GRID2: variants seen among roughly 807,000 people sequenced by gnomAD.
GRID2 encodes glutamate ionotropic receptor delta type subunit 2.
Under a neutral mutation model 114.8 loss-of-function variants are expected in GRID2, and 33 were observed. That is an observed-to-expected ratio of 0.29 (90% CI 0.22 to 0.38). The LOEUF (loss-of-function observed/expected upper bound fraction) is 0.38. GRID2 is among the 10% of genes least tolerant of loss of function. The pLI is 1.00. For synonymous variants in GRID2, 505 were observed against 449.9 expected (o/e 1.12, Z -1.55); for missense variants, 1,184 against 1,257.7 (o/e 0.94, Z 0.89).
At chr4:93,337,336 C>T (rs1346541144) in intron 8 of GRID2, among the ~76,000 whole-genome samples, 2 of 152,140 alleles carry the variant, frequency 1.3e-5, no homozygotes, top group East Asian at 3.8e-4. Context: ...AAGGAAGTGG[C>T]ACAAGTTTCA....
intron 13 of GRID2, among the ~76,000 whole-genome samples, chr4:93,592,037 A>G (rs374523904): frequency 1.3e-5 from 2 of 151,770 alleles, no homozygotes; most frequent in South Asian, 4.1e-4. Context: ...TTTGAAGGGT[A>G]TTTTGTGTCT....
At chr4:93,009,521 A>G (rs1721900554) in intron 2 of GRID2, among the ~76,000 whole-genome samples, 1 of 152,124 alleles carries the variant, frequency 6.6e-6, no homozygotes, top group Admixed American at 6.6e-5. Context: ...TTAATGTATG[A>G]CATTTTCATA....
intron 2 of GRID2, among the ~76,000 whole-genome samples, chr4:92,708,456 T>C (rs887961080): frequency 6.6e-6 from 1 of 152,132 alleles, no homozygotes; most frequent in Non-Finnish European, 1.5e-5. Flanking sequence ...AAGGTTTTGG[T>C]AGCACCGCTC....
chr4:93,128,336 G>T lies in GRID2; in HGVS notation c.735+17383G>T, dbSNP rs560169877. ...ATTAAATGGATTAATTTTAGTGTAT[G>T]TGCTTATACTAGAGAGAGAAAAAGA... On this transcript the variant is annotated intron_variant, in intron 4 of 15. Coordinates refer to ENST00000282020, the MANE Select transcript of GRID2 (RefSeq NM_001510.4). 1.2e-4 allele frequency among the ~76,000 whole-genome samples: 19 copies of T among 152,214 alleles called. No homozygotes were observed. In the South Asian group the frequency reaches 3.5e-3, roughly 28 times the overall value.
At chr4:93,023,109 G>A (rs1723542869) in intron 2 of GRID2, among the ~76,000 whole-genome samples, 1 of 150,866 alleles carries the variant, frequency 6.6e-6, no homozygotes, top group Non-Finnish European at 1.5e-5. Context: ...GTGTGTGTGT[G>A]TGTGTGTGTG....
chr4:93,398,427 C>T (rs1378148941), intron 9 of GRID2, among the ~76,000 whole-genome samples: 2 of 151,422 alleles, frequency 1.3e-5, no homozygotes, highest in East Asian at 2.0e-4. Flanking sequence ...ATACATTATA[C>T]TGTCTCCAGT....
Position 93,170,968 on chromosome 4 carries a change from C to G in GRID2, c.736-36436C>G, listed in dbSNP as rs576739845. On this transcript the variant is annotated intron_variant, in intron 4 of 15. Transcript: ENST00000282020. ...CTTCAGCACTACTGTCTAGGCCAAA[C>G]CATCATGTACTCCTGCCTGGATTAT... 5.3e-5 allele frequency among the ~76,000 whole-genome samples: 8 copies of G among 152,160 alleles called. No homozygotes were observed. The South Asian group carries it at 1.5e-3, about 28-fold the overall frequency.
chr4:93,362,457 A>C (rs2149276881), intron 8 of GRID2, among the ~76,000 whole-genome samples: 1 of 151,830 alleles, frequency 6.6e-6, no homozygotes, highest in African/African-American at 2.4e-5. Flanking sequence ...GGCAGGTCTC[A>C]TGCTTGGGGG....
chr4:93,293,984 T>C (rs1040829886), intron 8 of GRID2, among the ~76,000 whole-genome samples: 1 of 152,108 alleles, frequency 6.6e-6, no homozygotes, highest in African/African-American at 2.4e-5. Flanking sequence ...GATTATGCTG[T>C]GGGGAGAAGT....
chr4:93,422,690 T>G lies in GRID2; in HGVS notation c.1348-81T>G. 3 of 860,164 alleles carry G rather than the reference T, an allele frequency of 3.5e-6. No individual in the cohort carries two copies. In the East Asian group the frequency reaches 7.6e-5, roughly 22 times the overall value. 53.3% of individuals were successfully genotyped at this position (860,164 alleles called of 1,614,324 possible). Reference sequence around the variant, plus strand: ...AGTATAAAACAATTTTTAGATTTAATCAAAACTCTTTAAAGAATTAATCTT... The same window carrying G: ...AGTATAAAACAATTTTTAGATTTAAGCAAAACTCTTTAAAGAATTAATCTT... On this transcript the variant is annotated intron_variant, in intron 9 of 15. Transcript: ENST00000282020.
At chr4:92,935,066 C>T (rs1750552056) in intron 2 of GRID2, among the ~76,000 whole-genome samples, 1 of 146,768 alleles carries the variant, frequency 6.8e-6, no homozygotes, top group Non-Finnish European at 1.5e-5. Context: ...AGAGCTTCTG[C>T]ACAGCAGAAG....
intron 11 of GRID2, among the ~76,000 whole-genome samples, chr4:93,462,676 A>C (rs1044881830): frequency 6.6e-6 from 1 of 152,206 alleles, no homozygotes; most frequent in Non-Finnish European, 1.5e-5. Flanking sequence ...ATGGGAGACC[A>C]TCTCTTTAAA....
At chr4:93,579,266 C>T (rs150836696) in intron 13 of GRID2, among the ~76,000 whole-genome samples, 737 of 152,262 alleles carry the variant, frequency 4.8e-3, no homozygotes, top group Non-Finnish European at 8.8e-3. Flanking sequence ...ACTACCCACA[C>T]AGTTCCAGTG....
At chr4:92,824,759 A>T (rs762835709) in intron 2 of GRID2, among the ~76,000 whole-genome samples, 6 of 152,088 alleles carry the variant, frequency 3.9e-5, no homozygotes, top group Non-Finnish European at 8.8e-5. Flanking sequence ...ATTTGGATTG[A>T]CTAAGAAATT....
intron 2 of GRID2, among the ~76,000 whole-genome samples, chr4:92,802,574 T>C (rs563805656): frequency 1.5e-4 from 23 of 152,006 alleles, no homozygotes; most frequent in Admixed American, 1.3e-3. Flanking sequence ...CACACAGCCA[T>C]TGAACCAATT....
intron 7 of GRID2, among the ~76,000 whole-genome samples, chr4:93,237,554 A>AT (rs1746941896): frequency 6.6e-6 from 1 of 151,974 alleles, no homozygotes; most frequent in Non-Finnish European, 1.5e-5. Flanking sequence ...AATAAATGTC[A>AT]TTACCAGGCC....
chr4:92,935,878 A>T (rs1317432509), intron 2 of GRID2, among the ~76,000 whole-genome samples: 1 of 129,542 alleles, frequency 7.7e-6, no homozygotes, highest in African/African-American at 2.7e-5. Flanking sequence ...CACTCTGGGG[A>T]CTGTTGTGGG....
intron 9 of GRID2, among the ~76,000 whole-genome samples, chr4:93,401,762 A>C (rs935913069): frequency 9.2e-5 from 14 of 152,132 alleles, no homozygotes; most frequent in Non-Finnish European, 1.8e-4. Context: ...ACCACAAAGC[A>C]ATATCCAAAA....
chr4:93,795,806 C>T (rs1040742233), intron 1 of GRID2, among the ~76,000 whole-genome samples: 1 of 152,072 alleles, frequency 6.6e-6, no homozygotes, highest in Non-Finnish European at 1.5e-5. Flanking sequence ...ATGTGAAAAC[C>T]AAAGGTAGAT....
Sources: allele counts gnomAD v4.1 joint callset (sites outside exome capture counted in the v4.1 genomes callset), GRCh38; gene constraint gnomAD v4.1.1; transcripts MANE v1.5; gene names NCBI Gene and HGNC (gene_info 2026-07-23, HGNC 2026-07-21).